Variants in LRRC1 observed in about 807,000 individuals in gnomAD.
The protein encoded by LRRC1 is leucine rich repeat containing 1.
Under a neutral mutation model 69.9 loss-of-function variants are expected in LRRC1, and 28 were observed. The ratio of observed to expected loss-of-function variants is 0.40; its 90% confidence interval spans 0.30 to 0.55. LRRC1 has a LOEUF of 0.55. LRRC1 is among the 20% of genes least tolerant of loss of function. The probability of loss-of-function intolerance (pLI) is 0.47; values close to 1 mark genes in which losing one functional copy is unlikely to be tolerated. For synonymous variants in LRRC1, 236 were observed against 240.2 expected, an observed-to-expected ratio of 0.98 and a Z score of 0.16; for missense variants, 498 against 609.0, an observed-to-expected ratio of 0.82 and a Z score of 1.92.
intron 1 of LRRC1, among the ~76,000 whole-genome samples, chr6:53,810,576 G>A (rs774748893): frequency 6.6e-6 from 1 of 151,762 alleles, no homozygotes; most frequent in Non-Finnish European, 1.5e-5. Context: ...GCCGAGATCC[G>A]GCCACTGCAC....
At chr6:53,823,166 A>G (rs902128244) in intron 1 of LRRC1, among the ~76,000 whole-genome samples, 6 of 152,178 alleles carry the variant, frequency 3.9e-5, no homozygotes, top group African/African-American at 7.2e-5. Context: ...TCACAATGCT[A>G]TTCTTTTCTG....
intron 4 of LRRC1, among the ~76,000 whole-genome samples, chr6:53,885,957 T>C (rs1767461158): frequency 6.6e-6 from 1 of 152,184 alleles, no homozygotes; most frequent in South Asian, 2.1e-4. Context: ...AGTTGGTTCC[T>C]GGGGCCCTTA....
intron 11 of LRRC1, chr6:53,919,178 C>T (rs1458486325): frequency 6.2e-6 from 1 of 161,780 alleles, no homozygotes; most frequent in Non-Finnish European, 1.3e-5. Flanking sequence ...TCTCTCTTTA[C>T]ATTGAAACCT....
intron 4 of LRRC1, chr6:53,884,240 C>G (rs1020824612): frequency 8.2e-6 from 4 of 487,988 alleles, no homozygotes; most frequent in Non-Finnish European, 1.1e-5. Flanking sequence ...CATGGTGGCT[C>G]ACACCTGTAA....
rs78697494 is a variant in LRRC1, at chr6:53,896,349, G to T, written c.447-149G>T. 2,012 of 677,118 alleles carry T rather than the reference G, an allele frequency of 3.0e-3. 25 individuals are homozygous for T. The African/African-American group carries it at 0.03, about 10-fold the overall frequency. The allele number at this position is 677,118 out of a possible 1,614,324, so 41.9% of individuals were successfully genotyped here. On this transcript the variant is annotated intron_variant, in intron 4 of 13. Transcript: ENST00000370888. ...GTATTGTTTTTAATGGGTGTGGGGG[G>T]TGGTGATGATAGGTATTTTTACCCT...
intron 10 of LRRC1, among the ~76,000 whole-genome samples, chr6:53,913,242 A>G (rs986808957): frequency 3.9e-5 from 6 of 152,134 alleles, no homozygotes; most frequent in African/African-American, 1.4e-4. Context: ...TGTTGATTTT[A>G]CATTCATCAA....
At chr6:53,838,861 T>C (rs764779309) in intron 1 of LRRC1, among the ~76,000 whole-genome samples, 18 of 152,208 alleles carry the variant, frequency 1.2e-4, no homozygotes, top group Non-Finnish European at 1.6e-4. Flanking sequence ...TAGTTCATTT[T>C]ATTTTTTAAA....
At chr6:53,889,223 G>T (rs1767594551) in intron 4 of LRRC1, among the ~76,000 whole-genome samples, 1 of 152,154 alleles carries the variant, frequency 6.6e-6, no homozygotes, top group South Asian at 2.1e-4. Flanking sequence ...TGTTCAGGAT[G>T]TAGAGAAATT....
intron 2 of LRRC1, among the ~76,000 whole-genome samples, chr6:53,874,493 CT>C (rs1308879128): frequency 6.6e-6 from 1 of 152,134 alleles, no homozygotes; most frequent in Admixed American, 6.5e-5. Flanking sequence ...TTGTTTTTCA[CT>C]ACCTCATTTG....
chr6:53,828,169 C>CAA (rs35639473), intron 1 of LRRC1, among the ~76,000 whole-genome samples: 83,449 of 135,012 alleles, frequency 0.62, 25,846 homozygotes, highest in Middle Eastern at 0.77. Flanking sequence ...GTTCAAAGGC[C>CAA]AAAAAAAAAA....
chr6:53,795,339 C>T lies in LRRC1; in HGVS notation c.83C>T (p.Pro28Leu). ...DKRHCSLVYV[P>L]EEIYRYARSL... The stretch of plus-strand genomic sequence containing the variant: ...CGCCACTGCTCGCTGGTCTACGTCC[C>T]CGAGGAGATCTACCGCTATGCCCGG... Residue 28 changes from proline (P) to leucine (L), a missense_variant, in exon 1 of 14, where the codon CCC (proline) becomes CTC (leucine). Physicochemically the swap from Pro to Leu is moderately conservative, Grantham distance 98. Transcript: ENST00000370888. The T allele has an allele frequency of 3.7e-6, 6 of 1,613,780 alleles. No homozygotes were observed. Among genetic ancestry groups the T allele is most frequent in the Non-Finnish European group, 5.1e-6 (6 of 1,179,960 alleles).
intron 1 of LRRC1, among the ~76,000 whole-genome samples, chr6:53,817,634 C>T (rs1018558459): frequency 1.2e-4 from 19 of 152,158 alleles, no homozygotes; most frequent in African/African-American, 4.1e-4. Flanking sequence ...TCCCCATTCT[C>T]CTTACCTCCA....
At chr6:53,804,043 C>G (rs1027313810) in intron 1 of LRRC1, among the ~76,000 whole-genome samples, 1 of 152,190 alleles carries the variant, frequency 6.6e-6, no homozygotes, top group Non-Finnish European at 1.5e-5. Context: ...TTGACTTGAT[C>G]TGGAAGATGC....
chr6:53,879,116 T>A, intron 3 of LRRC1, 45 bp downstream of exon 3: 1 of 1,344,418 alleles, frequency 7.4e-7, no homozygotes, highest in Non-Finnish European at 1.1e-6. Flanking sequence ...TAAGAGTATC[T>A]TTTTTGAGAG....
At chr6:53,865,707 C>T (rs1339898720) in intron 2 of LRRC1, among the ~76,000 whole-genome samples, 5 of 146,694 alleles carry the variant, frequency 3.4e-5, no homozygotes, top group Non-Finnish European at 7.4e-5. Flanking sequence ...TGACAGAGAA[C>T]TTACTTAATG....
chr6:53,831,899 A>T (rs978402688), intron 1 of LRRC1, among the ~76,000 whole-genome samples: 5 of 152,218 alleles, frequency 3.3e-5, no homozygotes, highest in African/African-American at 1.2e-4. Flanking sequence ...TCTCTCATGG[A>T]TAATAGGTAA....
intron 1 of LRRC1, among the ~76,000 whole-genome samples, chr6:53,838,688 C>G (rs1765680556): frequency 6.6e-6 from 1 of 152,172 alleles, no homozygotes; most frequent in Non-Finnish European, 1.5e-5. Flanking sequence ...TTTGTGCTGG[C>G]TGATGCTTTA....
Position 53,842,202 on chromosome 6 carries a change from G to C in LRRC1, c.252G>C (p.Leu84=), listed in dbSNP as rs1413403830. The change falls in exon 2 of 14, where the codon CTG becomes CTC. Residue 84 remains leucine (L), a synonymous_variant. Coordinates refer to ENST00000370888, the MANE Select transcript of LRRC1 (RefSeq NM_018214.5). ...LPPEIANFMQ[L]VELDVSRNEI... ...CAGAAATAGCAAACTTCATGCAGCTGGTGGAACTAGATGTGTCTCGAAATG... is the reference window on the plus strand; with the variant it reads ...CAGAAATAGCAAACTTCATGCAGCTCGTGGAACTAGATGTGTCTCGAAATG... 66 of 1,613,600 alleles carry C rather than the reference G, an allele frequency of 4.1e-5. No individual in the cohort carries two copies. Among genetic ancestry groups the C allele is most frequent in the Non-Finnish European group, 5.6e-5 (66 of 1,179,534 alleles).
chr6:53,806,570 G>T (rs1764641085), intron 1 of LRRC1, among the ~76,000 whole-genome samples: 1 of 152,116 alleles, frequency 6.6e-6, no homozygotes, highest in Non-Finnish European at 1.5e-5. Flanking sequence ...TACCTGAGTG[G>T]TGTCAGCAAA....
Sources: allele counts gnomAD v4.1 joint callset (sites outside exome capture counted in the v4.1 genomes callset), GRCh38; gene constraint gnomAD v4.1.1; transcripts MANE v1.5; gene names NCBI Gene and HGNC (gene_info 2026-07-23, HGNC 2026-07-21).